MAN1C1: variants seen among roughly 807,000 people sequenced by gnomAD.
The protein encoded by MAN1C1 is mannosidase alpha class 1C member 1, also known as mannosyl-oligosaccharide 1,2-alpha-mannosidase IC.
Under a neutral mutation model 71.5 loss-of-function variants are expected in MAN1C1, and 49 were observed. The ratio of observed to expected loss-of-function variants is 0.69; its 90% CI spans 0.54 to 0.87. The LOEUF (loss-of-function observed/expected upper bound fraction) is 0.87, where lower values mean the gene tolerates loss of function less well. Among genes scored for constraint, MAN1C1 ranks in the 40% least tolerant of loss-of-function variants. The probability of loss-of-function intolerance (pLI) is 0.00; values close to 1 mark genes in which losing one functional copy is unlikely to be tolerated. For missense variants in MAN1C1, 743 were observed against 835.0 expected (o/e 0.89, Z 1.36); for synonymous variants, 352 against 343.7 (o/e 1.02, Z -0.27).
In MAN1C1 at chr1:25,771,643, C is replaced by G. The variant is rs970066978; in HGVS notation, c.1142-14C>G. On this transcript the variant is annotated splice_polypyrimidine_tract_variant and intron_variant, in intron 7 of 11. Coordinates refer to ENST00000374332, the MANE Select transcript of MAN1C1 (RefSeq NM_020379.4). Reference sequence around the variant, plus strand: ...CAGATGGAGATAATGTTCTTGTCCTCTTTCCCTTCACAGACCATGTCTCAG... The same window carrying G: ...CAGATGGAGATAATGTTCTTGTCCTGTTTCCCTTCACAGACCATGTCTCAG... 1.1e-5 allele frequency: 17 copies of G among 1,596,590 alleles called. No individual in the cohort carries two copies. Among genetic ancestry groups the G allele is most frequent in the Non-Finnish European group, 1.5e-5 (17 of 1,164,180 alleles).
intron 2 of MAN1C1, among the ~76,000 whole-genome samples, chr1:25,703,812 T>A (rs2046479383): frequency 6.6e-6 from 1 of 152,234 alleles, no homozygotes; most frequent in African/African-American, 2.4e-5. Flanking sequence ...TCCTCACTGC[T>A]TCTGAAGTGT....
At chr1:25,666,973 A>G (rs981410505) in intron 1 of MAN1C1, among the ~76,000 whole-genome samples, 20 of 152,126 alleles carry the variant, frequency 1.3e-4, no homozygotes, top group African/African-American at 3.9e-4. Context: ...GCTGTTTCCT[A>G]TAGCTGGTTT....
intron 1 of MAN1C1, among the ~76,000 whole-genome samples, chr1:25,682,702 G>A (rs2046171256): frequency 1.3e-5 from 2 of 152,138 alleles, no homozygotes; most frequent in African/African-American, 4.8e-5. Flanking sequence ...AATCAAATGG[G>A]CCTGGGAAGG....
intron 2 of MAN1C1, among the ~76,000 whole-genome samples, chr1:25,736,302 G>C (rs1057419621): frequency 6.6e-6 from 1 of 152,084 alleles, no homozygotes; most frequent in Admixed American, 6.6e-5. Flanking sequence ...CATCTGCCAG[G>C]GCTCTTAGCT....
chr1:25,742,709 GCA>G (rs777488106), intron 2 of MAN1C1, among the ~76,000 whole-genome samples: 9 of 152,226 alleles, frequency 5.9e-5, no homozygotes, highest in Non-Finnish European at 1.3e-4. Flanking sequence ...GGGAAACGAG[GCA>G]CAAAGAGGTA....
chr1:25,675,594 G>T (rs576266333), intron 1 of MAN1C1, among the ~76,000 whole-genome samples: 9 of 143,714 alleles, frequency 6.3e-5, no homozygotes, highest in Non-Finnish European at 9.2e-5. Context: ...CGGGGGGGGG[G>T]GGAGGTGGTT....
intron 2 of MAN1C1, among the ~76,000 whole-genome samples, chr1:25,745,365 G>A (rs1442025065): frequency 6.6e-6 from 1 of 151,342 alleles, no homozygotes; most frequent in African/African-American, 2.4e-5. Context: ...ATAAGTTTCT[G>A]GTTATAAGAA....
chr1:25,714,429 A>G (rs1384666969), intron 2 of MAN1C1, among the ~76,000 whole-genome samples: 1 of 152,202 alleles, frequency 6.6e-6, no homozygotes, highest in Non-Finnish European at 1.5e-5. Flanking sequence ...ATGAATAAAA[A>G]TGTTTGCAGT....
intron 2 of MAN1C1, among the ~76,000 whole-genome samples, chr1:25,700,984 C>G (rs1316793424): frequency 6.6e-6 from 1 of 152,236 alleles, no homozygotes; most frequent in African/African-American, 2.4e-5. Context: ...GGCTTGGCGC[C>G]TAGGGCCCAC....
rs749973074 is a variant in MAN1C1 at position 25,753,448 on chromosome 1, C to G, written c.835-36C>G. On this transcript the variant is annotated intron_variant, in intron 4 of 11. Coordinates refer to ENST00000374332, the MANE Select transcript of MAN1C1 (RefSeq NM_020379.4). This position sits in a 1 kb window ranked among gnomAD's most constrained non-coding sequence, Gnocchi z 4.9. ...TGGGGTTGACCTTCCCTCACCCAGC[C>G]TGGAGTCAAAAGCCCTTTGATCCCC... 6.5e-7 allele frequency: 1 copy of G among 1,548,804 alleles called. No homozygotes were observed. Among genetic ancestry groups the G allele is most frequent in the Non-Finnish European group, 8.9e-7 (1 of 1,127,702 alleles).
intron 1 of MAN1C1, among the ~76,000 whole-genome samples, chr1:25,679,950 A>AAAATATATATATATATATAT (rs1285307256): frequency 8.5e-6 from 1 of 117,262 alleles, no homozygotes; most frequent in African/African-American, 3.8e-5. Flanking sequence ...AAAAAAAAAA[A>AAAATATATATATATATATAT]ATATATATAT....
At chr1:25,732,777 A>C (rs990648430) in intron 2 of MAN1C1, among the ~76,000 whole-genome samples, 2 of 152,166 alleles carry the variant, frequency 1.3e-5, no homozygotes, top group Non-Finnish European at 2.9e-5. Flanking sequence ...TCAGCTCCCT[A>C]CCAGGCTCTC....
At chr1:25,766,941 G>A (rs1470726580) in intron 7 of MAN1C1, among the ~76,000 whole-genome samples, 2 of 151,966 alleles carry the variant, frequency 1.3e-5, no homozygotes, top group Non-Finnish European at 2.9e-5. Context: ...TGTGACGAGC[G>A]CATTGGCACG....
At chr1:25,635,443 T>C (rs111938998) in intron 1 of MAN1C1, among the ~76,000 whole-genome samples, 8 of 150,254 alleles carry the variant, frequency 5.3e-5, no homozygotes, top group African/African-American at 1.9e-4. Flanking sequence ...TCTTTCTTTT[T>C]TTTTTTTTTT....
At chr1:25,653,552 G>T (rs2045722063) in intron 1 of MAN1C1, among the ~76,000 whole-genome samples, 1 of 152,212 alleles carries the variant, frequency 6.6e-6, no homozygotes, top group Admixed American at 6.5e-5. Context: ...CTCAAGTGGG[G>T]TGCTCCACGG....
intron 1 of MAN1C1, among the ~76,000 whole-genome samples, chr1:25,648,238 A>T (rs2045643337): frequency 6.6e-6 from 1 of 152,224 alleles, no homozygotes; most frequent in Non-Finnish European, 1.5e-5. Context: ...CAGTTGACAG[A>T]TTGAGCTTTA....
chr1:25,684,380 G>C (rs190051898), intron 1 of MAN1C1, among the ~76,000 whole-genome samples: 1 of 152,240 alleles, frequency 6.6e-6, no homozygotes, highest in Non-Finnish European at 1.5e-5. Context: ...GCCCTTGGCT[G>C]TGTTACCATG....
In MAN1C1 at chr1:25,735,295, G is replaced by A. The variant is rs1021387487; in HGVS notation, c.638-11373G>A. 2.6e-5 allele frequency among the ~76,000 whole-genome samples: 4 copies of A among 152,190 alleles called. No individual in the cohort carries two copies. Among genetic ancestry groups the A allele is most frequent in the Admixed American group, 2.6e-4 (4 of 15,278 alleles). ...TAGCCGGGCATGCTGACGCATGCCT[G>A]TAATCCCAGCTACTTGGGAGGCTGA... On this transcript the variant is annotated intron_variant, in intron 2 of 11. Coordinates refer to ENST00000374332, the MANE Select transcript of MAN1C1 (RefSeq NM_020379.4). The surrounding 1 kb of genome is among the most constrained non-coding windows in gnomAD (Gnocchi z 4.6).
At chr1:25,627,017 A>G (rs2045304985) in intron 1 of MAN1C1, among the ~76,000 whole-genome samples, 1 of 152,120 alleles carries the variant, frequency 6.6e-6, no homozygotes. Context: ...CAGTATTTAC[A>G]TTTAGGTCTT....
Sources: allele counts gnomAD v4.1 joint callset (sites outside exome capture counted in the v4.1 genomes callset), GRCh38; gene constraint gnomAD v4.1.1; non-coding constraint Gnocchi (gnomAD v3.1); transcripts MANE v1.5; gene names NCBI Gene and HGNC (gene_info 2026-07-23, HGNC 2026-07-21).